Variants in PPP3CA observed in about 807,000 individuals in gnomAD.
The protein encoded by PPP3CA is protein phosphatase 3 catalytic subunit alpha, also known as CAM-PRP catalytic subunit.
PPP3CA carries 14 observed loss-of-function variants against 66.5 expected under a neutral mutation model. The ratio of observed to expected loss-of-function variants is 0.21; its 90% CI spans 0.14 to 0.33. PPP3CA has a LOEUF of 0.33. PPP3CA is among the 10% of genes least tolerant of loss of function. The pLI is 1.00. For missense variants in PPP3CA, 317 were observed against 639.5 expected, an observed-to-expected ratio of 0.50 and a Z score of 5.44; for synonymous variants, 232 against 226.2, an observed-to-expected ratio of 1.03 and a Z score of -0.23.
chr4:101,333,561 G>C (rs17031175), intron 1 of PPP3CA, among the ~76,000 whole-genome samples: 16,118 of 151,900 alleles, frequency 0.11, 2,909 homozygotes, highest in African/African-American at 0.37. Flanking sequence ...CTGAATTTCC[G>C]ATGTCTTGTA....
rs751007276 is a variant in PPP3CA at position 101,083,267 on chromosome 4, C to T, written c.783-4G>A. On this transcript the variant is annotated splice_polypyrimidine_tract_variant and splice_region_variant and intron_variant, in intron 6 of 13. Coordinates refer to ENST00000394854, the MANE Select transcript of PPP3CA (RefSeq NM_000944.5). ...GAATTCACATACAGCCGGGTAACTGCCAGAGACAAAAAGAAAAGGGAAGCA... is the reference window on the plus strand; with the variant it reads ...GAATTCACATACAGCCGGGTAACTGTCAGAGACAAAAAGAAAAGGGAAGCA... 2.1e-5 allele frequency: 34 copies of T among 1,606,108 alleles called. No individual in the cohort carries two copies. Among genetic ancestry groups the T allele is most frequent in the Non-Finnish European group, 2.9e-5 (34 of 1,175,436 alleles).
At position 101,190,688 on chromosome 4, in the gene PPP3CA, C is replaced by T. The variant is rs557212349; in HGVS notation, c.259+5228G>A. ...TAGCAACTTTCTATAGTAAACTCCC[C>T]AAGAGCTTGTAAAGAAAAGAACTAC... On this transcript the variant is annotated intron_variant, in intron 2 of 13. Transcript: ENST00000394854. 6.6e-5 allele frequency among the ~76,000 whole-genome samples: 10 copies of T among 152,124 alleles called. No individual in the cohort carries two copies. In the South Asian group the frequency reaches 1.9e-3, roughly 28 times the overall value.
chr4:101,060,013 C>G (rs1728393409), intron 10 of PPP3CA, among the ~76,000 whole-genome samples: 2 of 152,168 alleles, frequency 1.3e-5, no homozygotes, highest in Admixed American at 1.3e-4. Context: ...ATAGATGCAA[C>G]TTTTTCTTGA....
intron 11 of PPP3CA, among the ~76,000 whole-genome samples, chr4:101,036,632 T>C (rs1578392816): frequency 6.6e-6 from 1 of 152,314 alleles, no homozygotes; most frequent in East Asian, 1.9e-4. Flanking sequence ...CAGGATGGTC[T>C]CGATCTCCTG....
chr4:101,307,593 T>C (rs560690941), intron 1 of PPP3CA, among the ~76,000 whole-genome samples: 2 of 152,286 alleles, frequency 1.3e-5, no homozygotes, highest in East Asian at 1.9e-4. Context: ...ATTCTTACTA[T>C]AAAATGTAGT....
intron 10 of PPP3CA, among the ~76,000 whole-genome samples, chr4:101,048,591 GACAA>G (rs1157367985): frequency 1.5e-5 from 2 of 129,176 alleles, no homozygotes; most frequent in African/African-American, 5.8e-5. Context: ...ACACATTCAA[GACAA>G]CAAGTGAAAA....
chr4:101,106,450 A>AAAGAAAGAAAGAAAG (rs751759518), intron 3 of PPP3CA, among the ~76,000 whole-genome samples: 657 of 11,104 alleles, frequency 0.059, 155 homozygotes, highest in Non-Finnish European at 0.076. Context: ...AGAAAGAAAG[A>AAAGAAAGAAAGAAAG]AAGAGAAAAG....
chr4:101,280,283 T>A (rs1727637909), intron 1 of PPP3CA, among the ~76,000 whole-genome samples: 1 of 152,156 alleles, frequency 6.6e-6, no homozygotes, highest in African/African-American at 2.4e-5. Context: ...CTAAGCCATG[T>A]GGGTATCTGG....
chr4:101,084,512 G>A (rs1395172592), intron 6 of PPP3CA, among the ~76,000 whole-genome samples: 1 of 151,852 alleles, frequency 6.6e-6, no homozygotes, highest in African/African-American at 2.4e-5. Context: ...GCTTAGGGGT[G>A]GGCGCCTGTA....
chr4:101,131,424 A>AG (rs1227856379), intron 2 of PPP3CA, among the ~76,000 whole-genome samples: 8 of 149,732 alleles, frequency 5.3e-5, no homozygotes, highest in Non-Finnish European at 1.0e-4. Context: ...ATAGAAAGAA[A>AG]AAAAAAAAAA....
At chr4:101,322,830 A>C (rs1277616354) in intron 1 of PPP3CA, among the ~76,000 whole-genome samples, 2 of 152,156 alleles carry the variant, frequency 1.3e-5, no homozygotes, top group African/African-American at 2.4e-5. Context: ...TGAATGAACT[A>C]AGACAACTGT....
At chr4:101,290,751 A>G (rs1196179178) in intron 1 of PPP3CA, among the ~76,000 whole-genome samples, 2 of 152,214 alleles carry the variant, frequency 1.3e-5, no homozygotes, top group Non-Finnish European at 2.9e-5. Context: ...GAATAAGGGT[A>G]CAGGTATGTG....
intron 1 of PPP3CA, among the ~76,000 whole-genome samples, chr4:101,302,685 C>A (rs1728417592): frequency 6.6e-6 from 1 of 152,092 alleles, no homozygotes; most frequent in African/African-American, 2.4e-5. Flanking sequence ...CATTTTTATG[C>A]AGAACTCAAA....
chr4:101,172,221 G>A (rs1723907169), intron 2 of PPP3CA, among the ~76,000 whole-genome samples: 1 of 152,088 alleles, frequency 6.6e-6, no homozygotes, highest in Admixed American at 6.6e-5. Context: ...AGAAATTCAT[G>A]CTATATTCCC....
At chr4:101,166,665 A>G (rs1320090605) in intron 2 of PPP3CA, among the ~76,000 whole-genome samples, 1 of 152,182 alleles carries the variant, frequency 6.6e-6, no homozygotes, top group Non-Finnish European at 1.5e-5. Context: ...GGATTTTCAT[A>G]TGGTTATTAC....
intron 1 of PPP3CA, among the ~76,000 whole-genome samples, chr4:101,298,466 C>T (rs1013754784): frequency 6.6e-6 from 1 of 151,910 alleles, no homozygotes; most frequent in Non-Finnish European, 1.5e-5. Flanking sequence ...CCTGCCACCT[C>T]CTCTACCTAC....
At chr4:101,270,653 C>CA (rs1727309476) in intron 1 of PPP3CA, among the ~76,000 whole-genome samples, 1 of 151,892 alleles carries the variant, frequency 6.6e-6, no homozygotes, top group Non-Finnish European at 1.5e-5. Context: ...TGCATATTGG[C>CA]AAAAAGGGTC....
At chr4:101,116,910 C>G (rs1025134186) in intron 2 of PPP3CA, among the ~76,000 whole-genome samples, 8 of 151,590 alleles carry the variant, frequency 5.3e-5, no homozygotes, top group African/African-American at 1.9e-4. Flanking sequence ...GAAAAAGTCT[C>G]TAAATCAAAT....
intron 1 of PPP3CA, among the ~76,000 whole-genome samples, chr4:101,227,329 G>A (rs898807709): frequency 4.0e-5 from 6 of 151,656 alleles, no homozygotes; most frequent in Non-Finnish European, 7.4e-5. Context: ...AATCTGCTAC[G>A]TCTCCCCTCT....
Sources: gnomAD v4.1 joint callset for allele counts (sites outside exome capture counted in the v4.1 genomes callset) on GRCh38, gnomAD v4.1.1 for gene constraint, MANE v1.5 for transcripts, NCBI Gene and HGNC (gene_info 2026-07-23, HGNC 2026-07-21) for gene names.